Variants in MSRA observed in about 807,000 individuals in gnomAD.
The protein encoded by MSRA is methionine sulfoxide reductase A.
In MSRA, 54 loss-of-function variants were observed where a neutral mutation model predicts 31.3. That is an observed-to-expected ratio of 1.73 (90% CI 1.39 to 2.17). The LOEUF is 2.17. Among genes scored for constraint, MSRA ranks in the 30% most tolerant of loss-of-function variants. MSRA has a pLI of 0.00. For synonymous variants in MSRA, 169 were observed against 116.5 expected, an observed-to-expected ratio of 1.45 and a Z score of -2.90; for missense variants, 507 against 300.9, an observed-to-expected ratio of 1.69 and a Z score of -5.07.
chr8:10,334,830 AC>A (rs1802925351), intron 5 of MSRA, among the ~76,000 whole-genome samples: 1 of 152,144 alleles, frequency 6.6e-6, no homozygotes, highest in Non-Finnish European at 1.5e-5. Flanking sequence ...CTCTGGTGGG[AC>A]CATTTAACTC....
intron 5 of MSRA, among the ~76,000 whole-genome samples, chr8:10,347,611 C>T (rs1480311696): frequency 6.6e-6 from 1 of 152,206 alleles, no homozygotes; most frequent in Non-Finnish European, 1.5e-5. Flanking sequence ...CTCAGTCACC[C>T]TCTCGAATCC....
intron 3 of MSRA, among the ~76,000 whole-genome samples, chr8:10,246,102 A>G (rs74988441): frequency 1.1e-3 from 169 of 152,362 alleles, no homozygotes; most frequent in African/African-American, 3.8e-3. Flanking sequence ...GCCTATCTAT[A>G]TAAGTAAATT....
In MSRA at chr8:10,428,423, G is replaced by A. The variant is rs954711588; in HGVS notation, c.*111G>A. On this transcript the variant is annotated 3_prime_UTR_variant, in exon 6 of 6. Coordinates refer to ENST00000317173, the MANE Select transcript of MSRA (RefSeq NM_012331.5). ...CATTTAAAGTGCACAAAGTACAAAG[G>A]AATTTATACAGATTGGGTTTACCGA... 10 of 1,175,448 alleles carry A rather than the reference G, an allele frequency of 8.5e-6. No homozygotes were observed. Among genetic ancestry groups the A allele is most frequent in the Non-Finnish European group, 1.2e-5 (10 of 828,946 alleles). The allele number at this position is 1,175,448 out of a possible 1,614,324, so 72.8% of individuals were successfully genotyped here. A position where few individuals can be genotyped will look rare whatever the true frequency, so the allele number is the denominator to read the frequency against.
chr8:10,298,939 G>T (rs2129123475), intron 3 of MSRA, among the ~76,000 whole-genome samples: 1 of 152,286 alleles, frequency 6.6e-6, no homozygotes, highest in East Asian at 1.9e-4. Context: ...CAAGGTAAAT[G>T]AGCGTCTTTG....
chr8:10,417,439 C>CACACACAG (rs1382546348), intron 5 of MSRA, among the ~76,000 whole-genome samples: 6 of 151,752 alleles, frequency 4.0e-5, no homozygotes, highest in African/African-American at 1.5e-4. Context: ...CACACACACA[C>CACACACAG]ACACACATAC....
At chr8:10,266,088 C>A (rs1798733991) in intron 3 of MSRA, among the ~76,000 whole-genome samples, 1 of 152,228 alleles carries the variant, frequency 6.6e-6, no homozygotes, top group Admixed American at 6.5e-5. Context: ...TGTGTCATTT[C>A]ATTTCTCTTA....
Position 10,228,547 on chromosome 8 carries a change from C to T in MSRA, c.212-16557C>T, listed in dbSNP as rs1159828550. Among the ~76,000 whole-genome samples the T allele has an allele frequency of 2.0e-5, 3 of 152,206 alleles. No individual in the cohort carries two copies. The East Asian group carries it at 5.8e-4, about 29-fold the overall frequency. ...CAGCACCATCCTTCAAACCCTGTGT[C>T]TGCACGGGGAGGCTGTTAATTCAGC... On this transcript the variant is annotated intron_variant, in intron 2 of 5. Coordinates refer to ENST00000317173, the MANE Select transcript of MSRA (RefSeq NM_012331.5).
intron 5 of MSRA, chr8:10,337,570 T>G (rs568735357): frequency 2.1e-5 from 13 of 631,730 alleles, no homozygotes; most frequent in Middle Eastern, 2.6e-4. Flanking sequence ...TCAATCCATG[T>G]TCAAGCAGAT....
chr8:10,278,942 A>G (rs1430750232), intron 3 of MSRA, among the ~76,000 whole-genome samples: 1 of 152,196 alleles, frequency 6.6e-6, no homozygotes, highest in Non-Finnish European at 1.5e-5. Context: ...CAGTTCTGCT[A>G]GTCTCATTGA....
Position 10,204,882 on chromosome 8 carries a change from C to T in MSRA, c.143-2951C>T, listed in dbSNP as rs1029781942. Among the ~76,000 whole-genome samples the T allele has an allele frequency of 8.5e-5, 13 of 152,324 alleles. No homozygotes were observed. In the East Asian group the frequency reaches 1.2e-3, roughly 14 times the overall value. ...ATGGAAATGGGGAGTCAGAGAGCTA[C>T]GACCCCTGCCCTCCCTGAGCTTGCA... On this transcript the variant is annotated intron_variant, in intron 1 of 5. Transcript: ENST00000317173.
At chr8:10,403,891 A>T (rs1289705317) in intron 5 of MSRA, among the ~76,000 whole-genome samples, 2 of 152,162 alleles carry the variant, frequency 1.3e-5, no homozygotes, top group African/African-American at 4.8e-5. Flanking sequence ...ATGAGACCGC[A>T]CCACTCACAG....
chr8:10,079,141 G>T (rs184906406), intron 1 of MSRA, among the ~76,000 whole-genome samples: 1 of 152,278 alleles, frequency 6.6e-6, no homozygotes, highest in Admixed American at 6.5e-5. Context: ...ATAGCACCTG[G>T]CTCAGCATAT....
At chr8:10,149,686 T>C (rs1298718415) in intron 1 of MSRA, among the ~76,000 whole-genome samples, 1 of 151,850 alleles carries the variant, frequency 6.6e-6, no homozygotes, top group Non-Finnish European at 1.5e-5. Context: ...TTTGTAGTGG[T>C]GGTATGGAGT....
intron 5 of MSRA, among the ~76,000 whole-genome samples, chr8:10,408,185 G>T (rs1807937330): frequency 6.6e-6 from 1 of 152,122 alleles, no homozygotes; most frequent in African/African-American, 2.4e-5. Flanking sequence ...CAAAAATCGG[G>T]CTTCTCAGCA....
At chr8:10,122,532 G>GT (rs567032515) in intron 1 of MSRA, among the ~76,000 whole-genome samples, 11,204 of 147,498 alleles carry the variant, frequency 0.076, 632 homozygotes, top group African/African-American at 0.15. Context: ...ATTTTTTTGT[G>GT]TTTTTTTTTT....
intron 1 of MSRA, among the ~76,000 whole-genome samples, chr8:10,149,565 C>T (rs12681932): frequency 0.12 from 18,664 of 152,048 alleles, 1,727 homozygotes; most frequent in East Asian, 0.48. Context: ...CCCCTTTTTG[C>T]AGAGAGAGAA....
At chr8:10,308,585 G>A (rs528051719) in intron 4 of MSRA, among the ~76,000 whole-genome samples, 7 of 152,332 alleles carry the variant, frequency 4.6e-5, no homozygotes, top group East Asian at 1.9e-4. Flanking sequence ...GATGAGATCC[G>A]GACTCTTTAC....
chr8:10,297,522 G>A (rs1369623182), intron 3 of MSRA, among the ~76,000 whole-genome samples: 1 of 152,136 alleles, frequency 6.6e-6, no homozygotes, highest in Non-Finnish European at 1.5e-5. Flanking sequence ...ATTGGTCTCT[G>A]GAATGAAATT....
intron 1 of MSRA, among the ~76,000 whole-genome samples, chr8:10,078,068 A>C (rs1798083885): frequency 6.6e-6 from 1 of 152,256 alleles, no homozygotes; most frequent in Non-Finnish European, 1.5e-5. Context: ...CACAAAAAAT[A>C]AAAGTTTAAT....
Sources: gnomAD v4.1 joint callset for allele counts (sites outside exome capture counted in the v4.1 genomes callset) on GRCh38, gnomAD v4.1.1 for gene constraint, MANE v1.5 for transcripts, NCBI Gene and HGNC (gene_info 2026-07-23, HGNC 2026-07-21) for gene names.